USP34: variants seen among roughly 807,000 people sequenced by gnomAD.
USP34 encodes the protein ubiquitin carboxyl-terminal hydrolase 34.
In USP34, 70 loss-of-function variants were observed where a neutral mutation model predicts 460.3. That is an observed-to-expected ratio of 0.15 (90% confidence interval 0.13 to 0.19). USP34 has a LOEUF of 0.19. USP34 is among the 10% of genes least tolerant of loss of function. USP34 has a pLI of 1.00. For synonymous variants in USP34, 1,647 were observed against 1,405.3 expected, an observed-to-expected ratio of 1.17 and a Z score of -3.85; for missense variants, 3,985 against 4,236.2, an observed-to-expected ratio of 0.94 and a Z score of 1.65.
At chr2:61,211,651 G>C in intron 69 of USP34, 121 bp downstream of exon 69, 1 of 1,090,974 alleles carries the variant, frequency 9.2e-7, no homozygotes, top group South Asian at 1.9e-5. Flanking sequence ...CCTTCAAAAT[G>C]TTCCAAAGTG....
chr2:61,212,942 G>C (rs1017830752), intron 68 of USP34, among the ~76,000 whole-genome samples: 2 of 152,168 alleles, frequency 1.3e-5, no homozygotes, highest in African/African-American at 4.8e-5. Flanking sequence ...TTTGAAGTCA[G>C]AAAGATTGAT....
chr2:61,349,164 A>G (rs1691863324), intron 13 of USP34, 86 bp downstream of exon 13: 3 of 1,439,084 alleles, frequency 2.1e-6, no homozygotes, highest in East Asian at 4.6e-5. Flanking sequence ...TGATACAAAT[A>G]TATTATTATG....
chr2:61,223,264 G>A lies in USP34; in HGVS notation c.7628C>T (p.Ala2543Val). The A allele has an allele frequency of 1.9e-6, 3 of 1,613,914 alleles. No homozygotes were observed. The highest frequency in any genetic ancestry group is 1.1e-5 in the South Asian group (1 of 91,064). Residue 2543 changes from alanine (A) to valine (V), a missense_variant, in exon 63 of 80, where the codon GCA becomes GTA. Coordinates refer to ENST00000398571, the MANE Select transcript of USP34 (RefSeq NM_014709.4). Reference protein sequence around the residue: ...HLTLSQTDMAALTGGKGFPFL... With the variant: ...HLTLSQTDMAVLTGGKGFPFL... The stretch of plus-strand genomic sequence containing the variant: ...ATGTACTACCTTTCCTCCTGTTAAT[G>A]CTGCCATGTCAGTCTGTGATAATGT...
At chr2:61,470,248 G>A (rs546516191) in intron 1 of USP34, among the ~76,000 whole-genome samples, 20 of 152,296 alleles carry the variant, frequency 1.3e-4, no homozygotes, top group African/African-American at 4.8e-4. Context: ...AATCAAAGAG[G>A]GCGGCCGGAG....
intron 15 of USP34, among the ~76,000 whole-genome samples, chr2:61,345,338 C>G (rs1691735751): frequency 6.6e-6 from 1 of 151,464 alleles, no homozygotes; most frequent in South Asian, 2.1e-4. Context: ...CTTCCTTAAT[C>G]TCAGATGCAT....
intron 10 of USP34, among the ~76,000 whole-genome samples, chr2:61,357,357 A>AGG (rs1471525750): frequency 6.6e-6 from 1 of 152,224 alleles, no homozygotes; most frequent in African/African-American, 2.4e-5. Flanking sequence ...TGAAATCACA[A>AGG]GGGAAATTAG....
intron 1 of USP34, among the ~76,000 whole-genome samples, chr2:61,457,545 T>G (rs1573063903): frequency 6.6e-6 from 1 of 152,178 alleles, no homozygotes; most frequent in South Asian, 2.1e-4. Flanking sequence ...AACCTTAAAT[T>G]TAACCCACAG....
At chr2:61,457,682 G>C (rs1695478477) in intron 1 of USP34, among the ~76,000 whole-genome samples, 1 of 152,150 alleles carries the variant, frequency 6.6e-6, no homozygotes, top group South Asian at 2.1e-4. Context: ...GGGAAATATA[G>C]TGAAACCCAT....
intron 27 of USP34, among the ~76,000 whole-genome samples, chr2:61,304,761 G>A: frequency 6.6e-6 from 1 of 152,180 alleles, no homozygotes; most frequent in East Asian, 1.9e-4. Context: ...ACGCTGGATG[G>A]ACAATGACAA....
At chr2:61,251,819 G>C (rs1291293096) in intron 48 of USP34, among the ~76,000 whole-genome samples, 1 of 152,132 alleles carries the variant, frequency 6.6e-6, no homozygotes, top group African/African-American at 2.4e-5. Context: ...GATGAAACCA[G>C]GACTGTTCCC....
intron 10 of USP34, among the ~76,000 whole-genome samples, chr2:61,352,930 T>C (rs1691988101): frequency 6.6e-6 from 1 of 152,170 alleles, no homozygotes; most frequent in African/African-American, 2.4e-5. Flanking sequence ...AGGAATCCAT[T>C]ACTATACCAA....
chr2:61,349,605 C>T (rs767997577), intron 12 of USP34, among the ~76,000 whole-genome samples: 5 of 152,060 alleles, frequency 3.3e-5, no homozygotes, highest in African/African-American at 4.8e-5. Flanking sequence ...TTTTAGGAGG[C>T]CAAGGCGGAT....
rs550560742 is a variant in USP34, at chr2:61,267,935, T to G, written c.5434-1768A>C. 2.0e-5 allele frequency among the ~76,000 whole-genome samples: 3 copies of G among 152,040 alleles called. No individual in the cohort carries two copies. In the East Asian group the frequency reaches 5.8e-4, roughly 30 times the overall value. On this transcript the variant is annotated intron_variant, in intron 41 of 79. Transcript: ENST00000398571. ...GCACCCAGTTAATTTTTTGTATTTT[T>G]AGTAGAGATGGGGTTTCACGATGTT... is the stretch of plus-strand genomic sequence containing the variant.
chr2:61,315,200 T>C (rs1371065861), intron 23 of USP34, among the ~76,000 whole-genome samples: 2 of 152,206 alleles, frequency 1.3e-5, no homozygotes, highest in Admixed American at 6.5e-5. Flanking sequence ...ACTCACAAGT[T>C]GTGACTACAT....
intron 1 of USP34, among the ~76,000 whole-genome samples, chr2:61,451,444 G>A (rs1458987522): frequency 4.6e-5 from 7 of 151,906 alleles, no homozygotes; most frequent in Non-Finnish European, 1.0e-4. Context: ...CAGCACTTCG[G>A]GAGGCCAAGG....
At chr2:61,400,961 C>A (rs1693698853) in intron 3 of USP34, among the ~76,000 whole-genome samples, 1 of 151,886 alleles carries the variant, frequency 6.6e-6, no homozygotes, top group Non-Finnish European at 1.5e-5. Context: ...ACCATCCTGG[C>A]CAACATGGTG....
intron 2 of USP34, among the ~76,000 whole-genome samples, chr2:61,418,224 T>C (rs1694255594): frequency 6.6e-6 from 1 of 151,148 alleles, no homozygotes; most frequent in Admixed American, 6.6e-5. Context: ...GGATTACTGG[T>C]ACACACCACC....
intron 75 of USP34, among the ~76,000 whole-genome samples, chr2:61,199,225 C>G (rs1182067675): frequency 6.6e-6 from 1 of 151,878 alleles, no homozygotes; most frequent in Non-Finnish European, 1.5e-5. Context: ...GTTATGTTTT[C>G]CTTTAATATT....
chr2:61,403,325 C>T (rs1165429021), intron 3 of USP34, among the ~76,000 whole-genome samples: 1 of 152,048 alleles, frequency 6.6e-6, no homozygotes, highest in Non-Finnish European at 1.5e-5. Flanking sequence ...AAGCAGCAGA[C>T]TCAGTATTAC....
Sources: gnomAD v4.1 joint callset for allele counts (sites outside exome capture counted in the v4.1 genomes callset) on GRCh38, gnomAD v4.1.1 for gene constraint, MANE v1.5 for transcripts, NCBI Gene and HGNC (gene_info 2026-07-23, HGNC 2026-07-21) for gene names.